Variants in RC3H2 observed in about 807,000 individuals in gnomAD.
The protein encoded by RC3H2 is roquin-2.
RC3H2 carries 31 observed loss-of-function variants against 133.3 expected under a neutral mutation model. That is an observed-to-expected ratio of 0.23 (90% confidence interval 0.17 to 0.31). The LOEUF (loss-of-function observed/expected upper bound fraction) is 0.31. Among genes scored for constraint, RC3H2 ranks in the 10% least tolerant of loss-of-function variants. The pLI is 1.00. For synonymous variants in RC3H2, 517 were observed against 502.2 expected (o/e 1.03, Z -0.40); for missense variants, 1,175 against 1,437.2 (o/e 0.82, Z 2.95).
At chr9:122,898,964 C>G (rs1832539560) in intron 1 of RC3H2, among the ~76,000 whole-genome samples, 1 of 151,532 alleles carries the variant, frequency 6.6e-6, no homozygotes, top group Non-Finnish European at 1.5e-5. Context: ...TTTACCAACC[C>G]AAATATATTA....
intron 15 of RC3H2, 56 bp downstream of exon 15, chr9:122,855,128 A>T: frequency 1.5e-6 from 2 of 1,326,748 alleles, no homozygotes; most frequent in Non-Finnish European, 2.1e-6. Context: ...AAAAAAAAAA[A>T]AAAAAAGGCA....
chr9:122,880,359 A>G (rs754873975), intron 6 of RC3H2: 2 of 746,478 alleles, frequency 2.7e-6, no homozygotes, highest in Non-Finnish European at 4.7e-6. Flanking sequence ...ATATAGATAA[A>G]TTTGAGACTT....
rs576346170 is a variant in RC3H2, at chr9:122,880,848, C to T, written c.760-54G>A. On this transcript the variant is annotated intron_variant, in intron 5 of 20. Transcript: ENST00000357244. ...ATTGGTCTGTGCTTTCTCCCTTCAA[C>T]TGATTCGTTTATTCCTTTTTCAGGG... 10 of 1,314,048 alleles carry T rather than the reference C, an allele frequency of 7.6e-6. No homozygotes were observed. In the South Asian group the frequency reaches 8.4e-5, roughly 11 times the overall value. 81.4% of individuals were successfully genotyped at this position (1,314,048 alleles called of 1,614,324 possible).
intron 9 of RC3H2, among the ~76,000 whole-genome samples, chr9:122,872,940 A>G (rs140445530): frequency 2.2e-4 from 34 of 152,322 alleles, no homozygotes; most frequent in Admixed American, 9.8e-4. Flanking sequence ...GAATGTAGCA[A>G]TTCTTTGGAA....
chr9:122,877,358 G>A, intron 9 of RC3H2, 113 bp downstream of exon 9: 1 of 788,494 alleles, frequency 1.3e-6, no homozygotes, highest in Non-Finnish European at 2.1e-6. Flanking sequence ...GAGCTATGGT[G>A]CCCAGCCCTT....
intron 10 of RC3H2, among the ~76,000 whole-genome samples, chr9:122,862,751 C>T (rs999468892): frequency 2.6e-5 from 4 of 151,920 alleles, no homozygotes; most frequent in Non-Finnish European, 4.4e-5. Context: ...AAAAATTAGC[C>T]GGGCATGGTG....
intron 18 of RC3H2, chr9:122,853,677 G>GAC: frequency 1.4e-6 from 1 of 727,006 alleles, no homozygotes; most frequent in Non-Finnish European, 2.1e-6. Context: ...GCTTGAACCT[G>GAC]AGAGCCAGAG....
intron 4 of RC3H2, among the ~76,000 whole-genome samples, chr9:122,884,315 G>C (rs892283007): frequency 2.6e-5 from 4 of 151,890 alleles, no homozygotes; most frequent in African/African-American, 7.3e-5. Context: ...TAAACACACA[G>C]AACTACTCTG....
chr9:122,870,333 C>G (rs1483474382), intron 9 of RC3H2, among the ~76,000 whole-genome samples: 1 of 151,496 alleles, frequency 6.6e-6, no homozygotes, highest in South Asian at 2.1e-4. Flanking sequence ...CGAGATTGTG[C>G]CACTGTACTC....
At chr9:122,885,106 C>T (rs1831855678) in intron 4 of RC3H2, among the ~76,000 whole-genome samples, 1 of 152,004 alleles carries the variant, frequency 6.6e-6, no homozygotes, top group Non-Finnish European at 1.5e-5. Flanking sequence ...TGTATTGTAT[C>T]ATTAATTTTT....
chr9:122,853,378 T>TAA (rs72033785), intron 18 of RC3H2, among the ~76,000 whole-genome samples: 18,695 of 83,394 alleles, frequency 0.22, 1,929 homozygotes, highest in African/African-American at 0.39. Context: ...GAATGATCAA[T>TAA]AAAAAAAAAA....
Position 122,889,048 on chromosome 9 carries a change from T to G in RC3H2, c.583+1264A>C, listed in dbSNP as rs541236309. On this transcript the variant is annotated intron_variant, in intron 4 of 20. Transcript: ENST00000357244. Reference sequence around the variant, plus strand: ...GGTATTTCTTGCATCTTTTGTCAATTTTTCAGTTGGTTGTTGGTCTTTTTC... The same window carrying G: ...GGTATTTCTTGCATCTTTTGTCAATGTTTCAGTTGGTTGTTGGTCTTTTTC... Among the ~76,000 whole-genome samples, 14 of 152,320 alleles carry G rather than the reference T, an allele frequency of 9.2e-5. No individual in the cohort carries two copies. The South Asian group carries it at 2.9e-3, about 32-fold the overall frequency.
At chr9:122,852,257 C>CTAG (rs1307028099) in intron 18 of RC3H2, among the ~76,000 whole-genome samples, 1 of 150,778 alleles carries the variant, frequency 6.6e-6, no homozygotes, top group African/African-American at 2.5e-5. Flanking sequence ...GACCCTCCGC[C>CTAG]CGGCAGCCGC....
rs1312216424 is a variant in RC3H2, at chr9:122,845,097, C to T, written c.*4530G>A. ...TTGCAAAGAAAATGTCTAATACAGA[C>T]GTAAAAATATTCACACTAGAGCTTC... is the stretch of plus-strand genomic sequence containing the variant. On this transcript the variant is annotated 3_prime_UTR_variant, in exon 21 of 21. Coordinates refer to ENST00000357244, the MANE Select transcript of RC3H2 (RefSeq NM_001100588.3). 1 of 152,114 alleles carries T rather than the reference C, an allele frequency of 6.6e-6. No homozygotes were observed. Among genetic ancestry groups the T allele is most frequent in the Non-Finnish European group, 1.5e-5 (1 of 68,016 alleles). The allele number at this position is 152,114 out of a possible 1,614,324, so 9.4% of individuals were successfully genotyped here. A position where few individuals can be genotyped will look rare whatever the true frequency, so the allele number is the denominator to read the frequency against.
chr9:122,879,606 C>T (rs1256705815), intron 8 of RC3H2, 149 bp downstream of exon 8: 2 of 566,864 alleles, frequency 3.5e-6, no homozygotes, highest in Non-Finnish European at 6.2e-6. Context: ...ACCAAGTACA[C>T]TAAAAACTGG....
intron 8 of RC3H2, among the ~76,000 whole-genome samples, chr9:122,877,865 T>C (rs923454853): frequency 1.3e-5 from 2 of 152,152 alleles, no homozygotes; most frequent in African/African-American, 2.4e-5. Flanking sequence ...AAAAAGAAAA[T>C]ATTTTTTCAT....
intron 13 of RC3H2, 34 bp from the exon 14 acceptor site, chr9:122,855,912 A>T (rs1225622171): frequency 6.4e-7 from 1 of 1,561,664 alleles, no homozygotes; most frequent in Non-Finnish European, 8.7e-7. Flanking sequence ...GCCAATTAGT[A>T]AGAAGCTTAA....
chr9:122,880,402 G>A (rs1180657515), intron 6 of RC3H2, 192 bp downstream of exon 6: 9 of 682,946 alleles, frequency 1.3e-5, no homozygotes, highest in Admixed American at 2.7e-5. Context: ...CTAGTATCAT[G>A]TATTTGTTTC....
chr9:122,873,056 G>C (rs930762422), intron 9 of RC3H2, among the ~76,000 whole-genome samples: 4 of 151,956 alleles, frequency 2.6e-5, no homozygotes, highest in Non-Finnish European at 4.4e-5. Flanking sequence ...TTCTAAGAAG[G>C]GATTATTGAG....
Sources: gnomAD v4.1 joint callset for allele counts (sites outside exome capture counted in the v4.1 genomes callset) on GRCh38, gnomAD v4.1.1 for gene constraint, MANE v1.5 for transcripts, NCBI Gene and HGNC (gene_info 2026-07-23, HGNC 2026-07-21) for gene names.